Variants in TPST2 observed in about 807,000 individuals in gnomAD.
TPST2 encodes the protein protein-tyrosine sulfotransferase 2.
TPST2 carries 16 observed loss-of-function variants against 27.8 expected under a neutral mutation model. The ratio of observed to expected loss-of-function variants is 0.58; its 90% confidence interval spans 0.39 to 0.88. The LOEUF (loss-of-function observed/expected upper bound fraction) is 0.88. TPST2 is among the 40% of genes least tolerant of loss of function. The pLI is 0.00. For synonymous variants in TPST2, 229 were observed against 231.7 expected, an observed-to-expected ratio of 0.99 and a Z score of 0.10; for missense variants, 464 against 543.1, an observed-to-expected ratio of 0.85 and a Z score of 1.45.
At chr22:26,547,603 A>G (rs1375031414) in intron 1 of TPST2, 2 of 152,222 alleles carry the variant, frequency 1.3e-5, no homozygotes, top group East Asian at 3.8e-4. Context: ...AAAATCGCCA[A>G]CAAATAGAAA....
intron 1 of TPST2, among the ~76,000 whole-genome samples, chr22:26,568,887 C>T (rs1186695757): frequency 3.4e-3 from 5 of 1,476 alleles, no homozygotes; most frequent in African/African-American, 9.0e-3. Context: ...TTTTTTGAGA[C>T]GGATCTCGCT....
chr22:26,534,641 G>GAA (rs1925350002), intron 4 of TPST2, among the ~76,000 whole-genome samples: 1 of 152,218 alleles, frequency 6.6e-6, no homozygotes, highest in Non-Finnish European at 1.5e-5. Flanking sequence ...TGAGAACAGT[G>GAA]AAGTAAGCAA....
chr22:26,577,349 C>T lies in TPST2; in HGVS notation c.-161+12704G>A, dbSNP rs532884449. 4.6e-4 allele frequency among the ~76,000 whole-genome samples: 64 copies of T among 138,730 alleles called. 1 individual carries two copies. The highest frequency in any genetic ancestry group is 6.4e-4 in the Admixed American group (9 of 13,974). 91.0% of individuals were successfully genotyped at this position (138,730 alleles called of 152,430 possible). On this transcript the variant is annotated intron_variant, in intron 1 of 6. Coordinates refer to ENST00000338754, the MANE Select transcript of TPST2 (RefSeq NM_003595.5). Reference sequence around the variant, plus strand: ...TTTCTACACACTTTACAAATATTTGCTCTTTTTTTTTTTGAGACAAGGTCT... The same window carrying T: ...TTTCTACACACTTTACAAATATTTGTTCTTTTTTTTTTTGAGACAAGGTCT...
intron 2 of TPST2, among the ~76,000 whole-genome samples, chr22:26,544,304 C>T (rs1926009128): frequency 6.6e-6 from 1 of 152,176 alleles, no homozygotes; most frequent in African/African-American, 2.4e-5. Flanking sequence ...CTTGAATCTG[C>T]TCCGTGACAC....
chr22:26,539,874 T>C (rs1245431116), intron 3 of TPST2, among the ~76,000 whole-genome samples: 1 of 152,244 alleles, frequency 6.6e-6, no homozygotes, highest in African/African-American at 2.4e-5. Context: ...TAACTTCTCC[T>C]CTGTGAGATT....
rs888141875 is a variant in TPST2, at chr22:26,525,728, GA to G, written c.*546del. On this transcript the variant is annotated 3_prime_UTR_variant, in exon 7 of 7. Transcript: ENST00000338754. ...TACCTGACAAAATCCAGTATGGAAA[GA>G]AAAAAAAAACCCTATTCATTCAGTA... 1.6e-4 allele frequency: 24 copies of G among 148,134 alleles called. No homozygotes were observed. The highest frequency in any genetic ancestry group is 1.2e-3 in the East Asian group (6 of 5,084). 9.2% of individuals were successfully genotyped at this position (148,134 alleles called of 1,614,324 possible).
intron 3 of TPST2, among the ~76,000 whole-genome samples, chr22:26,536,769 A>G (rs1925496641): frequency 6.6e-6 from 1 of 152,188 alleles, no homozygotes; most frequent in African/African-American, 2.4e-5. Flanking sequence ...AAAAATAACA[A>G]CAGTTTAGGT....
intron 1 of TPST2, among the ~76,000 whole-genome samples, chr22:26,545,834 C>T (rs1296923671): frequency 6.6e-6 from 1 of 152,166 alleles, no homozygotes; most frequent in African/African-American, 2.4e-5. Flanking sequence ...GATCCCAGCA[C>T]TTTGGGAGGC....
At position 26,549,797 on chromosome 22, in the gene TPST2, G is replaced by A. The variant is rs149278719; in HGVS notation, c.-160-5122C>T. Among the ~76,000 whole-genome samples the A allele has an allele frequency of 2.4e-3, 361 of 149,390 alleles. 5 individuals carry two copies. The highest frequency in any genetic ancestry group is 7.7e-3 in the African/African-American group (314 of 40,550). On this transcript the variant is annotated intron_variant, in intron 1 of 6. Transcript: ENST00000338754. The stretch of plus-strand genomic sequence containing the variant: ...TATAATCCCAGCACTTTGGGAGGCC[G>A]AGGCAGGTGGATCACGAAGTCAGGA...
chr22:26,539,603 GA>G (rs975535326), intron 3 of TPST2, among the ~76,000 whole-genome samples: 4,348 of 137,596 alleles, frequency 0.032, 68 homozygotes, highest in Non-Finnish European at 0.038. Flanking sequence ...TCTCTACTAG[GA>G]AAAAAAAAAA....
chr22:26,579,506 G>T (rs1197315095), intron 1 of TPST2, among the ~76,000 whole-genome samples: 1 of 152,186 alleles, frequency 6.6e-6, no homozygotes, highest in Non-Finnish European at 1.5e-5. Flanking sequence ...GGCCTTGCCA[G>T]GTGCCTGACT....
intron 1 of TPST2, among the ~76,000 whole-genome samples, chr22:26,552,152 G>A (rs6005077): frequency 0.39 from 59,115 of 151,916 alleles, 12,326 homozygotes; most frequent in African/African-American, 0.54. Context: ...TGCTGGGATT[G>A]CAGGCATGGG....
intron 1 of TPST2, among the ~76,000 whole-genome samples, chr22:26,588,363 G>A (rs536177522): frequency 8.5e-5 from 13 of 152,198 alleles, no homozygotes; most frequent in African/African-American, 1.4e-4. Context: ...TTGAGAGTCA[G>A]TAAGTGGTTG....
At chr22:26,586,698 A>C (rs186036445) in intron 1 of TPST2, among the ~76,000 whole-genome samples, 14 of 152,342 alleles carry the variant, frequency 9.2e-5, no homozygotes, top group African/African-American at 3.4e-4. Context: ...TGCCCAGATG[A>C]ACCAAGTTGT....
intron 6 of TPST2, among the ~76,000 whole-genome samples, chr22:26,526,580 G>T (rs562289805): frequency 2.6e-5 from 4 of 152,298 alleles, no homozygotes; most frequent in African/African-American, 9.6e-5. Context: ...GTTTGTTCAA[G>T]GCCAACTCTG....
intron 1 of TPST2, among the ~76,000 whole-genome samples, chr22:26,547,101 G>A (rs1390972694): frequency 6.6e-6 from 1 of 151,398 alleles, no homozygotes; most frequent in Non-Finnish European, 1.5e-5. Flanking sequence ...TTCTTTTTTT[G>A]TTGAGATGGG....
At chr22:26,559,882 C>A (rs1926995093) in intron 1 of TPST2, among the ~76,000 whole-genome samples, 1 of 152,176 alleles carries the variant, frequency 6.6e-6, no homozygotes, top group Non-Finnish European at 1.5e-5. Flanking sequence ...CCAGAAACCT[C>A]CTAGCCTGGA....
chr22:26,581,636 G>A (rs114230728), intron 1 of TPST2, among the ~76,000 whole-genome samples: 3,562 of 152,258 alleles, frequency 0.023, 152 homozygotes, highest in African/African-American at 0.082. Flanking sequence ...CAGTTTTCTC[G>A]CCTGTAAAGT....
intron 1 of TPST2, among the ~76,000 whole-genome samples, chr22:26,564,342 T>C (rs1489476741): frequency 6.6e-6 from 1 of 152,250 alleles, no homozygotes; most frequent in Non-Finnish European, 1.5e-5. Context: ...GGAGCAGGCT[T>C]AGTGGGCTGG....
Sources: gnomAD v4.1 joint callset for allele counts (sites outside exome capture counted in the v4.1 genomes callset) on GRCh38, gnomAD v4.1.1 for gene constraint, MANE v1.5 for transcripts, NCBI Gene and HGNC (gene_info 2026-07-23, HGNC 2026-07-21) for gene names.